Variants in VAV3 observed in about 807,000 individuals in gnomAD.
VAV3 encodes the protein guanine nucleotide exchange factor VAV3.
In VAV3, 94 loss-of-function variants were observed where a neutral mutation model predicts 131.2. That is an observed-to-expected ratio of 0.72 (90% CI 0.61 to 0.85). The LOEUF (loss-of-function observed/expected upper bound fraction) is 0.85. VAV3 is among the 40% of genes least tolerant of loss of function. VAV3 has a pLI of 0.00. For synonymous variants in VAV3, 349 were observed against 342.0 expected, an observed-to-expected ratio of 1.02 and a Z score of -0.22; for missense variants, 939 against 1,002.7, an observed-to-expected ratio of 0.94 and a Z score of 0.86.
chr1:107,589,583 C>G (rs1349979810), intron 25 of VAV3, among the ~76,000 whole-genome samples: 1 of 152,228 alleles, frequency 6.6e-6, no homozygotes, highest in African/African-American at 2.4e-5. Flanking sequence ...TTTTAAGCCA[C>G]TTGGTTCGTG....
At chr1:107,621,093 T>TG (rs1317760094) in intron 20 of VAV3, among the ~76,000 whole-genome samples, 1 of 151,790 alleles carries the variant, frequency 6.6e-6, no homozygotes, top group African/African-American at 2.4e-5. Context: ...AAACTCATTT[T>TG]TTTTTTTTTA....
rs1004650990 is a variant in VAV3, at chr1:107,609,772, G to A, written c.2015+159C>T. 63 of 701,302 alleles carry A rather than the reference G, an allele frequency of 9.0e-5. No individual in the cohort carries two copies. The Admixed American group carries it at 1.6e-3, about 18-fold the overall frequency. The allele number at this position is 701,302 out of a possible 1,614,324, so 43.4% of individuals were successfully genotyped here. On this transcript the variant is annotated intron_variant, in intron 22 of 26. Coordinates refer to ENST00000370056, the MANE Select transcript of VAV3 (RefSeq NM_006113.5). The stretch of plus-strand genomic sequence containing the variant: ...CGCAGATAAAGATATGGAAAGGTCA[G>A]CAATACATGAATTCATTATGGTGTT...
At chr1:107,741,039 A>G (rs1162855220) in intron 15 of VAV3, among the ~76,000 whole-genome samples, 1 of 152,182 alleles carries the variant, frequency 6.6e-6, no homozygotes, top group Non-Finnish European at 1.5e-5. Flanking sequence ...AGGAGAGAGG[A>G]GGGGACAGGA....
chr1:107,920,529 G>A (rs1475733559), intron 1 of VAV3, among the ~76,000 whole-genome samples: 1 of 152,176 alleles, frequency 6.6e-6, no homozygotes, highest in Non-Finnish European at 1.5e-5. Flanking sequence ...TCACAAATGT[G>A]TATATCTCTG....
At chr1:107,673,186 G>T (rs778318102) in intron 19 of VAV3, among the ~76,000 whole-genome samples, 5 of 152,142 alleles carry the variant, frequency 3.3e-5, no homozygotes, top group African/African-American at 4.8e-5. Context: ...AGTATTTAAT[G>T]ACTCAAGATT....
chr1:107,794,268 T>C (rs553312077), intron 2 of VAV3, among the ~76,000 whole-genome samples: 5 of 152,226 alleles, frequency 3.3e-5, no homozygotes, highest in Non-Finnish European at 7.3e-5. Flanking sequence ...AATTTGACAC[T>C]ATTTGTGGTT....
chr1:107,669,068 A>G (rs930499932), intron 19 of VAV3: 1 of 1,081,230 alleles, frequency 9.2e-7, no homozygotes, highest in Non-Finnish European at 1.1e-6. Context: ...GGTCAAAAAG[A>G]ACACAGGGGA....
intron 1 of VAV3, among the ~76,000 whole-genome samples, chr1:107,889,189 C>CTATTT (rs1305502344): frequency 6.8e-6 from 1 of 147,434 alleles, no homozygotes; most frequent in Non-Finnish European, 1.5e-5. Flanking sequence ...ATGTAGCAGG[C>CTATTT]TATTTTCAGG....
At chr1:107,886,744 C>G (rs1165578515) in intron 1 of VAV3, among the ~76,000 whole-genome samples, 2 of 152,008 alleles carry the variant, frequency 1.3e-5, no homozygotes, top group Non-Finnish European at 2.9e-5. Context: ...TGCTCCATTC[C>G]TCACCCTTTG....
intron 1 of VAV3, among the ~76,000 whole-genome samples, chr1:107,939,187 T>C (rs1673866260): frequency 6.6e-6 from 1 of 152,208 alleles, no homozygotes; most frequent in African/African-American, 2.4e-5. Context: ...ACAGCGCCAA[T>C]TTTAAATATA....
At chr1:107,573,810 C>A (rs1298457311) in intron 26 of VAV3, among the ~76,000 whole-genome samples, 3 of 152,182 alleles carry the variant, frequency 2.0e-5, no homozygotes, top group East Asian at 3.8e-4. Context: ...TTCCAAGCAG[C>A]AAGCTGTCCC....
chr1:107,761,288 A>G (rs985405964), intron 9 of VAV3, among the ~76,000 whole-genome samples: 49 of 151,696 alleles, frequency 3.2e-4, no homozygotes, highest in African/African-American at 8.2e-4. Flanking sequence ...AGCTACTCAG[A>G]AGGCTGAGGC....
chr1:107,748,170 A>T (rs1439572374), intron 15 of VAV3, among the ~76,000 whole-genome samples: 5 of 152,318 alleles, frequency 3.3e-5, no homozygotes, highest in African/African-American at 1.2e-4. Flanking sequence ...TTTGTCAACA[A>T]ATGGTATATA....
At chr1:107,925,925 C>CGTATATATAAACAGAGAT (rs1673137046) in intron 1 of VAV3, among the ~76,000 whole-genome samples, 4 of 126,680 alleles carry the variant, frequency 3.2e-5, no homozygotes, top group African/African-American at 8.8e-5. Context: ...ATATAACATA[C>CGTATATATAAACAGAGAT]GTATATATAA....
In VAV3 at chr1:107,770,711, AT is replaced by A; in HGVS notation, c.572del (p.Asp191ValfsTer7). 6.2e-7 allele frequency: 1 copy of A among 1,611,612 alleles called. No individual in the cohort carries two copies. Among genetic ancestry groups the A allele is most frequent in the Non-Finnish European group, 8.5e-7 (1 of 1,178,926 alleles). ...TTTCTGCTAGACAACAACTTCGTATATCATTTTCTGGACATTTCTGCAGTTA... is the reference window on the plus strand; with the variant it reads ...TTTCTGCTAGACAACAACTTCGTATACATTTTCTGGACATTTCTGCAGTTA... ...EAHQPKCPENDIRSCCLAEIK... is the reference protein window; with the variant it reads ...EAHQPKCPENXIRSCCLAEIK... On this transcript the variant is annotated frameshift_variant, in exon 6 of 27. Transcript: ENST00000370056. LOFTEE classifies it high-confidence loss of function.
At chr1:107,678,363 G>A (rs1226889064) in intron 19 of VAV3, among the ~76,000 whole-genome samples, 1 of 152,088 alleles carries the variant, frequency 6.6e-6, no homozygotes, top group Non-Finnish European at 1.5e-5. Context: ...AGGTTTGACT[G>A]ATTAATATGG....
intron 20 of VAV3, among the ~76,000 whole-genome samples, chr1:107,637,431 T>A (rs1320899451): frequency 1.3e-5 from 2 of 152,140 alleles, no homozygotes; most frequent in Non-Finnish European, 2.9e-5. Flanking sequence ...GAGACCAGCC[T>A]GGGCAACATG....
intron 2 of VAV3, among the ~76,000 whole-genome samples, chr1:107,789,697 C>T (rs1666191636): frequency 6.6e-6 from 1 of 152,108 alleles, no homozygotes; most frequent in African/African-American, 2.4e-5. Flanking sequence ...AAGTCACATA[C>T]ATAACTTAAT....
chr1:107,723,052 A>C (rs529449414), intron 15 of VAV3, among the ~76,000 whole-genome samples: 1 of 152,114 alleles, frequency 6.6e-6, no homozygotes, highest in South Asian at 2.1e-4. Context: ...AGACTTCGTC[A>C]TGTTATTGTG....
Sources: gnomAD v4.1 joint callset for allele counts (sites outside exome capture counted in the v4.1 genomes callset) on GRCh38, gnomAD v4.1.1 for gene constraint, MANE v1.5 for transcripts, NCBI Gene and HGNC (gene_info 2026-07-23, HGNC 2026-07-21) for gene names.